Variants in ADGRB1 observed in about 807,000 individuals in gnomAD.
ADGRB1 encodes the protein brain-specific angiogenesis inhibitor 1.
Under a neutral mutation model 175.7 loss-of-function variants are expected in ADGRB1, and 36 were observed. The observed-to-expected ratio is 0.20, with a 90% CI of 0.16 to 0.27. The LOEUF (loss-of-function observed/expected upper bound fraction) is 0.27, where lower values mean the gene tolerates loss of function less well. Among genes scored for constraint, ADGRB1 ranks in the 10% least tolerant of loss-of-function variants. The pLI is 1.00. For missense variants in ADGRB1, 1,731 were observed against 2,255.3 expected, an observed-to-expected ratio of 0.77 and a Z score of 4.71; for synonymous variants, 1,054 against 979.4, an observed-to-expected ratio of 1.08 and a Z score of -1.42.
Position 142,537,013 on chromosome 8 carries a change from G to T in ADGRB1, c.3597G>T (p.Val1199=). 6.3e-7 allele frequency: 1 copy of T among 1,594,350 alleles called. No homozygotes were observed. The highest frequency in any genetic ancestry group is 1.7e-5 in the Admixed American group (1 of 58,196). ...REVQDAVKCR[V]VDRQEEGNGD... is the part of the protein sequence containing the mutation. ...TCCAGGACGCTGTGAAATGCCGTGT[G>T]GTTGACCGGCAGGAGGAGGGCAACG... Residue 1199 remains valine, a synonymous_variant, in exon 26 of 31, where the codon GTG becomes GTT. Transcript: ENST00000517894. This position sits in a 1 kb window ranked among gnomAD's most constrained non-coding sequence, Gnocchi z 4.6.
chr8:142,460,185 T>C (rs1032215895), intron 1 of ADGRB1, among the ~76,000 whole-genome samples: 1 of 151,972 alleles, frequency 6.6e-6, no homozygotes, highest in African/African-American at 2.4e-5. Context: ...GTGGCCCCGT[T>C]GGAGGGTGGC....
At chr8:142,462,583 G>C (rs777004651) in intron 1 of ADGRB1, among the ~76,000 whole-genome samples, 6 of 152,244 alleles carry the variant, frequency 3.9e-5, no homozygotes, top group Non-Finnish European at 8.8e-5. Flanking sequence ...GTGCAGGAAG[G>C]ACGCCAGGAG....
At position 142,515,509 on chromosome 8, in the gene ADGRB1, A is replaced by T. The variant is rs564014912; in HGVS notation, c.2818-2629A>T. Among the ~76,000 whole-genome samples, 35 of 151,900 alleles carry T rather than the reference A, an allele frequency of 2.3e-4. No homozygotes were observed. In the East Asian group the frequency reaches 6.6e-3, roughly 29 times the overall value. ...CGAGGGCAGGCGGAAGCAGATGGCC[A>T]CAGAGGCCTGGGCCTGAGCCAGCCT... On this transcript the variant is annotated intron_variant, in intron 18 of 30. Transcript: ENST00000517894.
chr8:142,533,325 G>T lies in ADGRB1; in HGVS notation c.3429G>T (p.Leu1143=). The T allele has an allele frequency of 6.4e-7, 1 of 1,571,564 alleles. No homozygotes were observed. Among genetic ancestry groups the T allele is most frequent in the South Asian group, 1.2e-5 (1 of 86,812 alleles). The change falls in exon 25 of 31, where the codon CTG becomes CTT. Residue 1143 remains leucine (L), a synonymous_variant. Transcript: ENST00000517894. The stretch of plus-strand genomic sequence containing the variant: ...CCCTGTGGAGCTCCTGCGTGGTGCT[G>T]CCGCTGCTGGCGCTGACCTGGATGT... ...GASLWSSCVV[L]PLLALTWMSA...
chr8:142,475,889 C>T (rs1840941196), intron 3 of ADGRB1, among the ~76,000 whole-genome samples: 2 of 13,862 alleles, frequency 1.4e-4, no homozygotes. Context: ...GAAGCAGGAC[C>T]TAAACTCGGG....
intron 2 of ADGRB1, among the ~76,000 whole-genome samples, chr8:142,469,919 C>G (rs1351944085): frequency 6.6e-6 from 1 of 152,172 alleles, no homozygotes; most frequent in Non-Finnish European, 1.5e-5. Context: ...GCCCAGGGAG[C>G]GTTGTGCCCT....
chr8:142,477,180 A>C lies in ADGRB1; in HGVS notation c.1124A>C (p.Gln375Pro). 1 of 1,596,466 alleles carries C rather than the reference A, an allele frequency of 6.3e-7. No homozygotes were observed. Among genetic ancestry groups the C allele is most frequent in the Non-Finnish European group, 8.5e-7 (1 of 1,178,032 alleles). ...VCSSTCGEGW[Q>P]TRTRFCVSSS... The stretch of plus-strand genomic sequence containing the variant: ...TCCAGCACCTGCGGCGAGGGCTGGC[A>C]GACCCGCACGCGCTTCTGCGTGTCC... The change falls in exon 5 of 31, where the codon CAG becomes CCG. Residue 375 changes from glutamine (Q) to proline (P), a missense_variant. Coordinates refer to ENST00000517894, the MANE Select transcript of ADGRB1 (RefSeq NM_001702.3).
At chr8:142,508,533 T>G (rs1842941279) in intron 17 of ADGRB1, among the ~76,000 whole-genome samples, 2 of 152,208 alleles carry the variant, frequency 1.3e-5, no homozygotes, top group South Asian at 4.1e-4. Flanking sequence ...GTTATCAGGA[T>G]CTGCACTCTG....
rs541295404 is a variant in ADGRB1 at position 142,490,995 on chromosome 8, G to A, written c.2675+180G>A. On this transcript the variant is annotated intron_variant, in intron 17 of 30. Coordinates refer to ENST00000517894, the MANE Select transcript of ADGRB1 (RefSeq NM_001702.3). ...ACTGTCTGGCTCTGGAGCCCACCAGGCCGCCTCCCACCCCCTCCCAGGGAT... is the reference window on the plus strand; with the variant it reads ...ACTGTCTGGCTCTGGAGCCCACCAGACCGCCTCCCACCCCCTCCCAGGGAT... 5.3e-5 allele frequency among the ~76,000 whole-genome samples: 8 copies of A among 152,252 alleles called. No homozygotes were observed. The East Asian group carries it at 9.7e-4, about 18-fold the overall frequency.
At chr8:142,539,306 C>G in intron 26 of ADGRB1, 68 bp from the exon 27 acceptor site, 1 of 1,484,992 alleles carries the variant, frequency 6.7e-7, no homozygotes. Context: ...CCCGAGCGGT[C>G]TGTGCACGCG....
At chr8:142,513,011 T>G (rs1156839082) in intron 18 of ADGRB1, among the ~76,000 whole-genome samples, 1 of 151,934 alleles carries the variant, frequency 6.6e-6, no homozygotes, top group African/African-American at 2.4e-5. Context: ...GTCCTGGGCC[T>G]TCTTTGGCAG....
intron 1 of ADGRB1, among the ~76,000 whole-genome samples, chr8:142,457,773 CCTGA>C (rs1275699258): frequency 1.3e-5 from 2 of 152,172 alleles, no homozygotes; most frequent in Non-Finnish European, 2.9e-5. Flanking sequence ...TTGGCTAGTG[CCTGA>C]CTCTCTGGCC....
rs542278638 is a variant in ADGRB1 at position 142,474,773 on chromosome 8, C to T, written c.785-701C>T. Among the ~76,000 whole-genome samples the T allele has an allele frequency of 1.6e-4, 24 of 152,122 alleles. No individual in the cohort carries two copies. The highest frequency in any genetic ancestry group is 2.6e-4 in the Non-Finnish European group (18 of 68,008). On this transcript the variant is annotated intron_variant, in intron 2 of 30. Transcript: ENST00000517894. This position sits in a 1 kb window ranked among gnomAD's most constrained non-coding sequence, Gnocchi z 5.8. ...GACTCACTAGAGAAGCTGAACAGAG[C>T]GGCCGGGGTCAGGGCAGGGGCGTGG...
chr8:142,479,913 G>A (rs1587300442), intron 9 of ADGRB1, 119 bp downstream of exon 9: 29 of 1,138,186 alleles, frequency 2.5e-5, no homozygotes, highest in South Asian at 2.3e-4. Context: ...GACAGCCTGC[G>A]TGTGCTGGCG....
Position 142,536,950 on chromosome 8 carries a change from G to A in ADGRB1, c.3571-37G>A, listed in dbSNP as rs368622328. The A allele has an allele frequency of 7.6e-5, 117 of 1,530,106 alleles. 2 individuals are homozygous for A. The South Asian group carries it at 1.2e-3, about 16-fold the overall frequency. The allele number at this position is 1,530,106 out of a possible 1,614,324, so 94.8% of individuals were successfully genotyped here. On this transcript the variant is annotated intron_variant, in intron 25 of 30. Coordinates refer to ENST00000517894, the MANE Select transcript of ADGRB1 (RefSeq NM_001702.3). ...TCTGGCGCTGGCGCAGGGTGGGGGCGTGGCTGCCACTGAGGTGCTCGGCTC... is the reference window on the plus strand; with the variant it reads ...TCTGGCGCTGGCGCAGGGTGGGGGCATGGCTGCCACTGAGGTGCTCGGCTC...
intron 9 of ADGRB1, among the ~76,000 whole-genome samples, chr8:142,480,508 T>C (rs1027815489): frequency 6.6e-6 from 1 of 152,166 alleles, no homozygotes. Context: ...GAACAGGGCA[T>C]GTTCTCGGTA....
At chr8:142,453,028 G>A (rs1210721605) in intron 1 of ADGRB1, among the ~76,000 whole-genome samples, 1 of 87,944 alleles carries the variant, frequency 1.1e-5, no homozygotes, top group African/African-American at 5.6e-5. Context: ...CCTCCCTCCC[G>A]CCCGCCCGCC....
At position 142,543,108 on chromosome 8, in the gene ADGRB1, C is replaced by CTT. The variant is rs1205722550; in HGVS notation, c.4414-294_4414-293insTT. Among the ~76,000 whole-genome samples the CTT allele has an allele frequency of 6.6e-6, 1 of 152,190 alleles. No homozygotes were observed. Among genetic ancestry groups the CTT allele is most frequent in the African/African-American group, 2.4e-5 (1 of 41,462 alleles). ...ATGCTGCCCTGTGTCCCTGAGTTCT[C>CTT]TGTCGGGGGACCCAGCCATGTGGCC... On this transcript the variant is annotated intron_variant, in intron 28 of 30. Transcript: ENST00000517894. This position sits in a 1 kb window ranked among gnomAD's most constrained non-coding sequence, Gnocchi z 4.4.
intron 24 of ADGRB1, among the ~76,000 whole-genome samples, chr8:142,530,383 G>T (rs186658103): frequency 6.6e-6 from 1 of 152,292 alleles, no homozygotes; most frequent in East Asian, 1.9e-4. Flanking sequence ...GGCTCAGGTG[G>T]GTGGGGCCAG....
Sources: gnomAD v4.1 joint callset for allele counts (sites outside exome capture counted in the v4.1 genomes callset) on GRCh38, gnomAD v4.1.1 for gene constraint, Gnocchi (gnomAD v3.1) non-coding constraint, MANE v1.5 for transcripts, NCBI Gene and HGNC (gene_info 2026-07-23, HGNC 2026-07-21) for gene names.